DENND2C: variants seen among roughly 807,000 people sequenced by gnomAD.
The protein encoded by DENND2C is DENN domain containing 2C.
Under a neutral mutation model 112.4 loss-of-function variants are expected in DENND2C, and 72 were observed. The ratio of observed to expected loss-of-function variants is 0.64; its 90% CI spans 0.53 to 0.78. DENND2C has a LOEUF of 0.78. DENND2C is among the 30% of genes least tolerant of loss of function. The pLI, the probability that DENND2C is intolerant of heterozygous loss-of-function variation, is 0.00. For synonymous variants in DENND2C, 329 were observed against 381.6 expected (o/e 0.86, Z 1.61); for missense variants, 992 against 1,113.8 (o/e 0.89, Z 1.56).
In DENND2C at chr1:114,623,589, C is replaced by T. The variant is rs777948400; in HGVS notation, c.861G>A (p.Thr287=). ...IQHFRNRNSQ[T]IREELGRNSG... Reference sequence around the variant, plus strand: ...AATTTCTTCCAAGTTCTTCACGAATCGTCTGTGAGTTCCGATTTCGAAAGT... The same window carrying T: ...AATTTCTTCCAAGTTCTTCACGAATTGTCTGTGAGTTCCGATTTCGAAAGT... Residue 287 remains threonine (T), a synonymous_variant, in exon 5 of 21, where the codon ACG becomes ACA. Coordinates refer to ENST00000393274, the MANE Select transcript of DENND2C (RefSeq NM_001256404.2). 9.3e-6 allele frequency: 15 copies of T among 1,608,100 alleles called. No individual in the cohort carries two copies. The highest frequency in any genetic ancestry group is 2.3e-5 in the East Asian group (1 of 44,420).
chr1:114,594,789 A>T (rs905288005), intron 17 of DENND2C, among the ~76,000 whole-genome samples: 1 of 152,058 alleles, frequency 6.6e-6, no homozygotes, highest in African/African-American at 2.4e-5. Context: ...ACTTTGTAAA[A>T]TTTTCTGGCA....
chr1:114,630,628 G>A (rs184559317), intron 3 of DENND2C, among the ~76,000 whole-genome samples: 7 of 152,248 alleles, frequency 4.6e-5, no homozygotes, highest in Admixed American at 3.9e-4. Context: ...ATTGGAATAT[G>A]GAGACTGAGG....
intron 11 of DENND2C, among the ~76,000 whole-genome samples, 162 bp downstream of exon 11, chr1:114,604,760 C>T (rs1044590435): frequency 6.6e-6 from 1 of 151,720 alleles, no homozygotes; most frequent in African/African-American, 2.4e-5. Context: ...TTAAGCCCCA[C>T]ATAGGAAATG....
intron 7 of DENND2C, among the ~76,000 whole-genome samples, chr1:114,620,146 T>C (rs1412585950): frequency 6.6e-6 from 1 of 152,134 alleles, no homozygotes; most frequent in Non-Finnish European, 1.5e-5. Flanking sequence ...TAAATGAAAA[T>C]GGACTTTCTT....
At chr1:114,589,946 A>G (rs967148599) in intron 18 of DENND2C, among the ~76,000 whole-genome samples, 1 of 152,186 alleles carries the variant, frequency 6.6e-6, no homozygotes, top group Non-Finnish European at 1.5e-5. Flanking sequence ...GGAATTTTGT[A>G]TTTGTTATTC....
chr1:114,614,650 C>A (rs1307685075), intron 8 of DENND2C, among the ~76,000 whole-genome samples: 2 of 152,010 alleles, frequency 1.3e-5, no homozygotes, highest in Non-Finnish European at 2.9e-5. Context: ...GTCTTAGAAC[C>A]AAATTTACTA....
intron 3 of DENND2C, among the ~76,000 whole-genome samples, chr1:114,633,512 A>G (rs904329976): frequency 6.6e-6 from 1 of 151,706 alleles, no homozygotes; most frequent in Non-Finnish European, 1.5e-5. Flanking sequence ...AAGGAAAAAG[A>G]AATCACTTTA....
intron 2 of DENND2C, among the ~76,000 whole-genome samples, chr1:114,651,087 C>T (rs1472375646): frequency 6.6e-6 from 1 of 151,732 alleles, no homozygotes; most frequent in Non-Finnish European, 1.5e-5. Context: ...CCAGCCTGGG[C>T]GACACAGTGA....
intron 18 of DENND2C, among the ~76,000 whole-genome samples, chr1:114,590,560 C>T (rs79884631): frequency 1.3e-5 from 2 of 151,320 alleles, no homozygotes; most frequent in African/African-American, 2.4e-5. Context: ...GGGCGGATCA[C>T]GAGGTCAGGA....
chr1:114,621,480 C>CAT (rs1656163719), intron 7 of DENND2C, among the ~76,000 whole-genome samples: 2 of 152,126 alleles, frequency 1.3e-5, no homozygotes, highest in Admixed American at 1.3e-4. Context: ...AAATAAATGG[C>CAT]ATATACTTTT....
rs1405680793 is a variant in DENND2C, at chr1:114,623,528, T to C, written c.922A>G (p.Asn308Asp). 2 of 1,607,706 alleles carry C rather than the reference T, an allele frequency of 1.2e-6. No individual in the cohort carries two copies. The change falls in exon 5 of 21, where the codon AAT becomes GAT. Residue 308 changes from asparagine to aspartate, a missense_variant. Transcript: ENST00000393274. ...CTACATATGATATCTTCATAGATAT[T>C]GTCCTCAGACTGTGTGTAATAAAGT... ...SALYYTQSEDNIYEDIIYPTK... is the reference protein window; with the variant it reads ...SALYYTQSEDDIYEDIIYPTK...
intron 18 of DENND2C, among the ~76,000 whole-genome samples, chr1:114,593,843 A>G (rs1365360827): frequency 6.6e-6 from 1 of 152,214 alleles, no homozygotes; most frequent in Non-Finnish European, 1.5e-5. Context: ...CTGTCAGTAC[A>G]TAGCCTTTTC....
intron 6 of DENND2C, among the ~76,000 whole-genome samples, chr1:114,622,505 A>G (rs552013094): frequency 1.3e-4 from 20 of 152,224 alleles, no homozygotes; most frequent in Non-Finnish European, 2.1e-4. Context: ...AAATCATTTC[A>G]AATGAAGATA....
intron 3 of DENND2C, among the ~76,000 whole-genome samples, chr1:114,640,289 T>C (rs549531381): frequency 6.6e-6 from 1 of 152,340 alleles, no homozygotes; most frequent in East Asian, 1.9e-4. Flanking sequence ...TGAGAGGCTA[T>C]TTTTACTTTG....
In DENND2C at chr1:114,621,970, C is replaced by A. The variant is rs1482233649; in HGVS notation, c.1152G>T (p.Leu384Phe). The change falls in exon 7 of 21, where the codon TTG becomes TTT. Residue 384 changes from leucine to phenylalanine, a missense_variant. Leu to Phe is a conservative substitution (Grantham distance 22, BLOSUM62 0). Coordinates refer to ENST00000393274, the MANE Select transcript of DENND2C (RefSeq NM_001256404.2). ...GCTTCCATTCCGTTAAAGTGACCGG[C>A]AAAGTTGTATCTTTTGTAAGCTTTG... ...LRSKLTKDTT[L>F]PVTLTEWKLF... 6.4e-7 allele frequency: 1 copy of A among 1,550,814 alleles called. No homozygotes were observed.
intron 3 of DENND2C, among the ~76,000 whole-genome samples, chr1:114,642,307 A>C (rs1387726101): frequency 1.3e-5 from 2 of 152,050 alleles, no homozygotes; most frequent in Non-Finnish European, 2.9e-5. Flanking sequence ...TAAAGTCTAT[A>C]CTCCTTAATA....
intron 12 of DENND2C, 103 bp downstream of exon 12, chr1:114,602,022 T>G: frequency 9.0e-7 from 1 of 1,116,598 alleles, no homozygotes; most frequent in Non-Finnish European, 1.3e-6. Flanking sequence ...CACAGATCAT[T>G]GAGCATCCCT....
intron 1 of DENND2C, among the ~76,000 whole-genome samples, chr1:114,662,164 T>C (rs1024211861): frequency 2.0e-5 from 3 of 152,316 alleles, no homozygotes; most frequent in Middle Eastern, 6.8e-3. Context: ...TCTATTATTA[T>C]AGCCTTAATA....
At chr1:114,602,336 C>G (rs1655535419) in intron 11 of DENND2C, 142 bp from the exon 12 acceptor site, 1 of 750,218 alleles carries the variant, frequency 1.3e-6, no homozygotes. Flanking sequence ...ACGGCATTCT[C>G]CATGGAAAAA....
Sources: allele counts gnomAD v4.1 joint callset (sites outside exome capture counted in the v4.1 genomes callset), GRCh38; gene constraint gnomAD v4.1.1; transcripts MANE v1.5; gene names NCBI Gene and HGNC (gene_info 2026-07-23, HGNC 2026-07-21).